The following UBR4 variants were observed in gnomAD, a reference collection of about 807,000 sequenced individuals.
UBR4 encodes ubiquitin protein ligase E3 component n-recognin 4.
In UBR4, 124 loss-of-function variants were observed where a neutral mutation model predicts 575.6. The observed-to-expected ratio is 0.22, with a 90% CI of 0.19 to 0.25. The LOEUF is 0.25. UBR4 is among the 10% of genes least tolerant of loss of function. UBR4 has a pLI of 1.00. For synonymous variants in UBR4, 2,455 were observed against 2,473.7 expected, an observed-to-expected ratio of 0.99 and a Z score of 0.22; for missense variants, 4,818 against 6,478.8, an observed-to-expected ratio of 0.74 and a Z score of 8.80.
rs1557805862 is a variant in UBR4, at chr1:19,151,833, A to T, written c.7023T>A (p.Ser2341Arg). Residue 2341 changes from serine (S) to arginine (R), a missense_variant, in exon 48 of 106, where the codon AGT becomes AGA. Transcript: ENST00000375254. The stretch of plus-strand genomic sequence containing the variant: ...TCATCACCATAGTGCTATTGTTGTT[A>T]CTAATCTCAATGGTGAAGCCTCCGG... ...TKPGGFTIEI[S>R]NNNSTMVMTG... is the part of the protein sequence containing the mutation. 6.2e-7 allele frequency: 1 copy of T among 1,608,442 alleles called. No individual in the cohort carries two copies. Among genetic ancestry groups the T allele is most frequent in the Admixed American group, 1.7e-5 (1 of 59,566 alleles).
In UBR4 at chr1:19,157,687, G is replaced by A; in HGVS notation, c.5760+128C>T. On this transcript the variant is annotated intron_variant, in intron 40 of 105. Transcript: ENST00000375254. This position sits in a 1 kb window ranked among gnomAD's most constrained non-coding sequence, Gnocchi z 4.4. Reference sequence around the variant, plus strand: ...GAAAAGCTCAACAAGATCTGTCCCTGAAGCATTCTTAGAACGCAGTGGACT... The same window carrying A: ...GAAAAGCTCAACAAGATCTGTCCCTAAAGCATTCTTAGAACGCAGTGGACT... The A allele has an allele frequency of 1.7e-6, 2 of 1,204,916 alleles. No individual in the cohort carries two copies. Among genetic ancestry groups the A allele is most frequent in the Non-Finnish European group, 2.3e-6 (2 of 872,824 alleles). 74.6% of individuals were successfully genotyped at this position (1,204,916 alleles called of 1,614,324 possible).
Position 19,084,603 on chromosome 1 carries a change from A to G in UBR4, c.14909T>C (p.Met4970Thr). 2.5e-6 allele frequency: 4 copies of G among 1,614,170 alleles called. No individual in the cohort carries two copies. The highest frequency in any genetic ancestry group is 1.1e-5 in the South Asian group (1 of 91,080). ...AGTGTCTGCGCTGAACGACTGCTCC[A>G]TGGCGAAGCGCAGGAAGAGCAGTTT... ...DIKLLFLRFA[M>T]EQSFSADTGG... Residue 4970 changes from methionine to threonine, a missense_variant, in exon 102 of 106, where the codon ATG becomes ACG. Coordinates refer to ENST00000375254, the MANE Select transcript of UBR4 (RefSeq NM_020765.3).
intron 67 of UBR4, 116 bp downstream of exon 67, chr1:19,121,815 CTAG>C: frequency 1.7e-6 from 2 of 1,182,658 alleles, no homozygotes; most frequent in South Asian, 2.7e-5. Context: ...AGAGTTCTGT[CTAG>C]TCTATCTTGT....
rs1162585305 is a variant in UBR4, at chr1:19,138,026, C to T, written c.8887G>A (p.Asp2963Asn). Reference protein sequence around the residue: ...EGEGEGETEGDVHTSNRLHMV... With the variant: ...EGEGEGETEGNVHTSNRLHMV... ...CTTGACCTGTTGCTAGTGTGGACAT[C>T]TCCTTCAGTTTCTCCTTCTCCTTCT... The change falls in exon 60 of 106, where the codon GAT becomes AAT. Residue 2963 changes from aspartate to asparagine, a missense_variant. By Grantham distance (23) the Asp-to-Asn change is conservative. Around this residue, in one of 29 missense-constraint regions of UBR4, gnomAD observed 87 missense variants for 82.8 expected, o/e 1.05. Coordinates refer to ENST00000375254, the MANE Select transcript of UBR4 (RefSeq NM_020765.3). 6.4e-7 allele frequency: 1 copy of T among 1,565,964 alleles called. No individual in the cohort carries two copies. Among genetic ancestry groups the T allele is most frequent in the African/African-American group, 1.4e-5 (1 of 73,894 alleles).
intron 11 of UBR4, among the ~76,000 whole-genome samples, chr1:19,190,312 A>AAAAAAAAAAAATATATATATAT: frequency 4.9e-4 from 39 of 79,882 alleles, no homozygotes; most frequent in Non-Finnish European, 6.0e-4. Flanking sequence ...AAAAAAAAAA[A>AAAAAAAAAAAATATATATATAT]ATATATATAT....
Position 19,157,810 on chromosome 1 carries a change from C to T in UBR4, c.5760+5G>A, listed in dbSNP as rs2086665594. The T allele has an allele frequency of 1.2e-6, 2 of 1,613,096 alleles. No individual in the cohort carries two copies. Among genetic ancestry groups the T allele is most frequent in the East Asian group, 4.5e-5 (2 of 44,842 alleles). The stretch of plus-strand genomic sequence containing the variant: ...AAGTAAGCGCACAAGAATTGGAGGA[C>T]CCACCTTGCCCTTCTCATGGCTGAC... On this transcript the variant is annotated splice_donor_5th_base_variant and intron_variant, in intron 40 of 105. Coordinates refer to ENST00000375254, the MANE Select transcript of UBR4 (RefSeq NM_020765.3). This position sits in a 1 kb window ranked among gnomAD's most constrained non-coding sequence, Gnocchi z 4.4.
intron 63 of UBR4, 114 bp from the exon 64 acceptor site, chr1:19,126,769 A>G: frequency 8.9e-7 from 1 of 1,129,318 alleles, no homozygotes; most frequent in African/African-American, 1.5e-5. Flanking sequence ...CTTTTATGGC[A>G]GTGAGTGAAT....
At chr1:19,201,441 T>A (rs1424666262) in intron 2 of UBR4, among the ~76,000 whole-genome samples, 1 of 152,116 alleles carries the variant, frequency 6.6e-6, no homozygotes, top group Non-Finnish European at 1.5e-5. Context: ...GAGAAATCAA[T>A]AAAATGCTTT....
At position 19,170,679 on chromosome 1, in the gene UBR4, T is replaced by C; in HGVS notation, c.3643+83A>G. On this transcript the variant is annotated intron_variant, in intron 26 of 105. Coordinates refer to ENST00000375254, the MANE Select transcript of UBR4 (RefSeq NM_020765.3). ...GGCTCCAATAAATAGTAAACGCCAG[T>C]AGGCACCAAGGGAGAGAAGCCATAG... 1.1e-5 allele frequency: 18 copies of C among 1,580,572 alleles called. No homozygotes were observed. In the South Asian group the frequency reaches 2.0e-4, roughly 18 times the overall value.
At chr1:19,132,515 T>C (rs911267042) in intron 60 of UBR4, among the ~76,000 whole-genome samples, 3 of 145,246 alleles carry the variant, frequency 2.1e-5, no homozygotes, top group African/African-American at 7.7e-5. Context: ...TTAAAATACA[T>C]ATGATTAAAT....
chr1:19,172,708 C>T (rs2089747143), intron 25 of UBR4, among the ~76,000 whole-genome samples, 156 bp downstream of exon 25: 1 of 152,144 alleles, frequency 6.6e-6, no homozygotes, highest in Non-Finnish European at 1.5e-5. Flanking sequence ...AAAATTTCCT[C>T]ATCAAGCACC....
At chr1:19,078,313 A>C in intron 103 of UBR4, 1 of 432,830 alleles carries the variant, frequency 2.3e-6, no homozygotes, top group East Asian at 4.5e-5. Flanking sequence ...CTCATCTTCC[A>C]GATCAGGGTA....
intron 75 of UBR4, 140 bp from the exon 76 acceptor site, chr1:19,114,210 A>G (rs2080221040): frequency 1.8e-6 from 2 of 1,127,812 alleles, no homozygotes; most frequent in African/African-American, 1.6e-5. Flanking sequence ...GTTCTTCACA[A>G]TAATCTTTCC....
intron 30 of UBR4, 87 bp downstream of exon 30, chr1:19,165,569 A>G: frequency 2.2e-6 from 3 of 1,387,420 alleles, no homozygotes; most frequent in East Asian, 2.3e-5. Flanking sequence ...TATTGCTGAT[A>G]ATAAGTACCT....
At chr1:19,078,335 G>A in intron 103 of UBR4, 2 of 364,882 alleles carry the variant, frequency 5.5e-6, no homozygotes, top group South Asian at 3.3e-5. Flanking sequence ...AATGGAACCG[G>A]GGGAGACATC....
Position 19,114,916 on chromosome 1 carries a change from G to A in UBR4, c.11097C>T (p.Leu3699=), listed in dbSNP as rs35307650. The A allele has an allele frequency of 7.7e-3, 12,379 of 1,614,230 alleles. 66 individuals are homozygous for A. Among genetic ancestry groups the A allele is most frequent in the Non-Finnish European group, 9.1e-3 (10,693 of 1,180,030 alleles). ...SINYDEKDPF[L]CNACGFCKYA... Reference sequence around the variant, plus strand: ...ATTTACAGAAGCCACAGGCATTGCAGAGGAAGGGATCCTTTTCATCGTAGT... The same window carrying A: ...ATTTACAGAAGCCACAGGCATTGCAAAGGAAGGGATCCTTTTCATCGTAGT... Residue 3699 remains leucine (L), a synonymous_variant, in exon 75 of 106, where the codon CTC becomes CTT. Coordinates refer to ENST00000375254, the MANE Select transcript of UBR4 (RefSeq NM_020765.3).
At chr1:19,144,700 TTA>T in intron 54 of UBR4, 84 bp downstream of exon 54, 1 of 1,523,094 alleles carries the variant, frequency 6.6e-7, no homozygotes, top group Non-Finnish European at 8.8e-7. Context: ...TAAATATATT[TTA>T]TTTCATTAGC....
intron 49 of UBR4, among the ~76,000 whole-genome samples, chr1:19,149,293 G>A (rs1299914510): frequency 6.6e-6 from 1 of 152,148 alleles, no homozygotes; most frequent in Non-Finnish European, 1.5e-5. Flanking sequence ...ACAACATCCT[G>A]ACAGCTGAAG....
chr1:19,199,747 C>A lies in UBR4; in HGVS notation c.282G>T (p.Arg94=), dbSNP rs762166867. 1.2e-6 allele frequency: 2 copies of A among 1,614,066 alleles called. No homozygotes were observed. The highest frequency in any genetic ancestry group is 1.7e-6 in the Non-Finnish European group (2 of 1,179,968). The part of the protein sequence containing the change: ...YITTVCSLIP[R]NQLQSVAAAC... ...CTGCTGCCACTGACTGAAGTTGGTTCCGGGGAACTGAGAAAGTAATAAACA... is the reference window on the plus strand; with the variant it reads ...CTGCTGCCACTGACTGAAGTTGGTTACGGGGAACTGAGAAAGTAATAAACA... Residue 94 remains arginine, a synonymous_variant, in exon 3 of 106, where the codon CGG becomes CGT. Coordinates refer to ENST00000375254, the MANE Select transcript of UBR4 (RefSeq NM_020765.3).
Sources: allele counts gnomAD v4.1 joint callset (sites outside exome capture counted in the v4.1 genomes callset), GRCh38; gene constraint gnomAD v4.1.1; regional missense constraint gnomAD v4.1.1; non-coding constraint Gnocchi (gnomAD v3.1); transcripts MANE v1.5; gene names NCBI Gene and HGNC (gene_info 2026-07-23, HGNC 2026-07-21).